MTCL1: variants seen among roughly 807,000 people sequenced by gnomAD.
MTCL1 encodes microtubule cross-linking factor 1.
In MTCL1, 79 loss-of-function variants were observed where a neutral mutation model predicts 141.4. That is an observed-to-expected ratio of 0.56 (90% confidence interval 0.47 to 0.67). MTCL1 has a LOEUF of 0.67. Among genes scored for constraint, MTCL1 ranks in the 30% least tolerant of loss-of-function variants. MTCL1 has a pLI of 0.00. For missense variants in MTCL1, 2,177 were observed against 2,113.9 expected (o/e 1.03, Z -0.59); for synonymous variants, 914 against 875.8 (o/e 1.04, Z -0.77).
chr18:8,710,928 G>A (rs1416517560), intron 1 of MTCL1, among the ~76,000 whole-genome samples: 2 of 113,328 alleles, frequency 1.8e-5, no homozygotes, highest in Non-Finnish European at 3.4e-5. Flanking sequence ...TAGGGTACAT[G>A]TGCACATTGT....
At chr18:8,726,631 C>T (rs2186769) in intron 4 of MTCL1, among the ~76,000 whole-genome samples, 53,295 of 151,556 alleles carry the variant, frequency 0.35, 9,649 homozygotes, top group Admixed American at 0.48. Flanking sequence ...CTCCATAGAA[C>T]ATCACGCTGA....
At chr18:8,798,185 G>T in exon 10 of MTCL1, 1 of 1,599,470 alleles carries the variant, frequency 6.3e-7, no homozygotes, top group Non-Finnish European at 8.5e-7. Context: ...GACAGTGACC[G>T]AGGCTGTGGC....
intron 11 of MTCL1, chr18:8,811,165 T>C (rs2076470304): frequency 2.0e-5 from 3 of 152,366 alleles, no homozygotes; most frequent in Admixed American, 6.5e-5. Context: ...GGTGCCAGCA[T>C]CTGCTGCTGG....
chr18:8,725,032 A>C (rs149414655), intron 4 of MTCL1, among the ~76,000 whole-genome samples: 310 of 152,060 alleles, frequency 2.0e-3, no homozygotes, highest in African/African-American at 7.3e-3. Context: ...ATCTCTCAAA[A>C]AGTAGAAAAT....
chr18:8,785,389 G>A (rs1340412781), intron 6 of MTCL1, among the ~76,000 whole-genome samples: 5 of 152,188 alleles, frequency 3.3e-5, no homozygotes, highest in Admixed American at 1.3e-4. Context: ...CGAGGAGCAC[G>A]GTGCTGAGAA....
intron 4 of MTCL1, among the ~76,000 whole-genome samples, chr18:8,773,645 T>C (rs1170093000): frequency 6.6e-6 from 1 of 152,224 alleles, no homozygotes; most frequent in African/African-American, 2.4e-5. Context: ...ATTCATCTTT[T>C]TTTTCTCGTT....
intron 4 of MTCL1, among the ~76,000 whole-genome samples, chr18:8,726,286 CTTTTTTTTTTTTT>C (rs77665680): frequency 9.8e-6 from 1 of 102,260 alleles, no homozygotes; most frequent in Admixed American, 1.1e-4. Flanking sequence ...TTCTTTTTTT[CTTTTTTTTTTTTT>C]TTTTTTTGTC....
At chr18:8,749,333 G>T (rs941072249) in intron 4 of MTCL1, among the ~76,000 whole-genome samples, 1 of 152,324 alleles carries the variant, frequency 6.6e-6, no homozygotes, top group South Asian at 2.1e-4. Flanking sequence ...CCAGCCTGGG[G>T]CTGCAAGCCA....
chr18:8,739,180 G>A (rs1210796447), intron 4 of MTCL1, among the ~76,000 whole-genome samples: 1 of 152,190 alleles, frequency 6.6e-6, no homozygotes, highest in East Asian at 1.9e-4. Flanking sequence ...AGGAGTTCCA[G>A]GCTGTGGTGA....
At chr18:8,722,378 G>A (rs1353746913) in intron 4 of MTCL1, among the ~76,000 whole-genome samples, 2 of 152,092 alleles carry the variant, frequency 1.3e-5, no homozygotes, top group Admixed American at 6.5e-5. Context: ...GGGCAACACA[G>A]CAAGACCCTG....
intron 10 of MTCL1, among the ~76,000 whole-genome samples, chr18:8,805,354 C>T (rs759459280): frequency 2.0e-4 from 31 of 152,084 alleles, no homozygotes; most frequent in Non-Finnish European, 4.0e-4. Flanking sequence ...TGAGAACATG[C>T]GGTATTTGGT....
intron 8 of MTCL1, among the ~76,000 whole-genome samples, chr18:8,795,369 C>A (rs2143848293): frequency 6.6e-6 from 1 of 152,314 alleles, no homozygotes; most frequent in South Asian, 2.1e-4. Flanking sequence ...TTTTATTGGC[C>A]TATGGAACAC....
intron 2 of MTCL1, 110 bp from the exon 2 acceptor site, chr18:8,718,314 A>G (rs2096143624): frequency 3.7e-6 from 4 of 1,066,836 alleles, no homozygotes; most frequent in Middle Eastern, 2.5e-4. Flanking sequence ...GGTGATGGGT[A>G]AGCGTGTAGG....
chr18:8,721,897 T>G lies in MTCL1; in HGVS notation c.357+1401T>G, dbSNP rs569640528. ...CATGCCTGGAACAGTGCCTGGCACATGCTGGGTGGAGGAGTGAATGAAGGG... is the reference window on the plus strand; with the variant it reads ...CATGCCTGGAACAGTGCCTGGCACAGGCTGGGTGGAGGAGTGAATGAAGGG... On this transcript the variant is annotated intron_variant, in intron 4 of 16. Coordinates refer to ENST00000359865, the Ensembl canonical transcript of MTCL1. Among the ~76,000 whole-genome samples the G allele has an allele frequency of 3.4e-3, 521 of 152,258 alleles. 2 individuals carry two copies. The highest frequency in any genetic ancestry group is 6.4e-3 in the South Asian group (31 of 4,818).
chr18:8,786,126 T>TCCCCCC, intron 7 of MTCL1, 35 bp downstream of exon 6: 1 of 511,078 alleles, frequency 2.0e-6, no homozygotes, highest in Non-Finnish European at 3.0e-6. Flanking sequence ...CCCCCCGCCC[T>TCCCCCC]CCCCCTCCTT....
At chr18:8,740,278 T>C (rs2096295483) in intron 4 of MTCL1, among the ~76,000 whole-genome samples, 1 of 152,172 alleles carries the variant, frequency 6.6e-6, no homozygotes, top group African/African-American at 2.4e-5. Flanking sequence ...ATCCAGTCTT[T>C]AGAGCTCTCT....
chr18:8,732,312 A>C (rs1169593295), intron 4 of MTCL1, among the ~76,000 whole-genome samples: 1 of 151,906 alleles, frequency 6.6e-6, no homozygotes, highest in Non-Finnish European at 1.5e-5. Context: ...GGGTCTCATC[A>C]TGTTGCCCAG....
At chr18:8,807,173 A>G (rs1473901830) in intron 11 of MTCL1, 113 bp downstream of exon 10, 1 of 1,158,826 alleles carries the variant, frequency 8.6e-7, no homozygotes. Context: ...TTGTCCAGGA[A>G]AAAAAGAGAG....
intron 4 of MTCL1, among the ~76,000 whole-genome samples, chr18:8,775,651 G>T (rs891063874): frequency 5.3e-5 from 8 of 152,126 alleles, no homozygotes; most frequent in African/African-American, 1.9e-4. Context: ...ATTAAGGGTG[G>T]AGAAACTCAA....
Sources: gnomAD v4.1 joint callset for allele counts (sites outside exome capture counted in the v4.1 genomes callset) on GRCh38, gnomAD v4.1.1 for gene constraint, MANE v1.5 for transcripts, NCBI Gene and HGNC (gene_info 2026-07-23, HGNC 2026-07-21) for gene names.